LRP5: variants seen among roughly 807,000 people sequenced by gnomAD.
The protein encoded by LRP5 is LDL receptor related protein 5.
LRP5 carries 62 observed loss-of-function variants against 154.1 expected under a neutral mutation model. The observed-to-expected ratio is 0.40, with a 90% CI of 0.33 to 0.50. LRP5 has a LOEUF of 0.50. Among genes scored for constraint, LRP5 ranks in the 20% least tolerant of loss-of-function variants. The pLI, the probability that LRP5 is intolerant of heterozygous loss-of-function variation, is 0.55. For synonymous variants in LRP5, 966 were observed against 1,011.5 expected, an observed-to-expected ratio of 0.96 and a Z score of 0.85; for missense variants, 1,915 against 2,336.7, an observed-to-expected ratio of 0.82 and a Z score of 3.72.
chr11:68,334,237 CAAAT>C (rs1002604095), intron 1 of LRP5, among the ~76,000 whole-genome samples: 39 of 151,842 alleles, frequency 2.6e-4, no homozygotes, highest in African/African-American at 8.5e-4. Context: ...CCATCTCAAA[CAAAT>C]AAATAAGAAA....
intron 19 of LRP5, among the ~76,000 whole-genome samples, chr11:68,438,207 G>A (rs1052747888): frequency 7.9e-5 from 12 of 152,180 alleles, no homozygotes; most frequent in Admixed American, 3.9e-4. Flanking sequence ...TGAGGGCTGT[G>A]GGGAGTCGGA....
rs776565930 is a variant in LRP5, at chr11:68,425,168, C to G, written c.3303C>G (p.Thr1101=). Residue 1101 remains threonine (T), a synonymous_variant, in exon 15 of 23, where the codon ACC becomes ACG. Coordinates refer to ENST00000294304, the MANE Select transcript of LRP5 (RefSeq NM_002335.4). The part of the protein sequence containing the change: ...AKIERAALDG[T]EREVLFTTGL... ...TCGAACGCGCAGCCCTGGACGGCACCGAGCGCGAGGTCCTCTTCACCACCG... is the reference window on the plus strand; with the variant it reads ...TCGAACGCGCAGCCCTGGACGGCACGGAGCGCGAGGTCCTCTTCACCACCG... 6.2e-7 allele frequency: 1 copy of G among 1,613,628 alleles called. No individual in the cohort carries two copies.
rs111847163 is a variant in LRP5, at chr11:68,342,070, CTTTTTTT to C, written c.92-5767_92-5761del. ...CTTTTCTCCTGAACTGTCCTCTTTG[CTTTTTTT>C]TTTTTTTTTAAGCTTTAAAAGAAGT... is the stretch of plus-strand genomic sequence containing the variant. On this transcript the variant is annotated intron_variant, in intron 1 of 22. Transcript: ENST00000294304. Among the ~76,000 whole-genome samples, 15 of 133,870 alleles carry C rather than the reference CTTTTTTT, an allele frequency of 1.1e-4. 1 individual carries two copies. In the South Asian group the frequency reaches 3.8e-3, roughly 34 times the overall value. The allele number at this position is 133,870 out of a possible 152,430, so 87.8% of individuals were successfully genotyped here. A position where few individuals can be genotyped will look rare whatever the true frequency, so the allele number is the denominator to read the frequency against.
rs756401189 is a variant in LRP5, at chr11:68,413,982, A to T, written c.2797A>T (p.Thr933Ser). The change falls in exon 12 of 23, where the codon ACC (threonine) becomes TCC (serine). Residue 933 changes from threonine (T) to serine (S), a missense_variant. This residue lies in a region of LRP5 where 1,094 missense variants were observed against 1,210.1 expected (regional missense o/e 0.90). Coordinates refer to ENST00000294304, the MANE Select transcript of LRP5 (RefSeq NM_002335.4). This position sits in a 1 kb window ranked among gnomAD's most constrained non-coding sequence, Gnocchi z 5.1. ...CCGCTGCGGCTGCGCCTCACACTAC[A>T]CCCTGGACCCCAGCAGCCGCAACTG... ...GHRCGCASHY[T>S]LDPSSRNCSP... is the part of the protein sequence containing the mutation. 1 of 1,602,662 alleles carries T rather than the reference A, an allele frequency of 6.2e-7. No homozygotes were observed. The highest frequency in any genetic ancestry group is 1.1e-5 in the South Asian group (1 of 90,784).
chr11:68,324,738 G>C (rs192705844), intron 1 of LRP5, among the ~76,000 whole-genome samples: 1 of 152,338 alleles, frequency 6.6e-6, no homozygotes, highest in East Asian at 1.9e-4. Context: ...GTGGGATTCC[G>C]CCTGCTCCAC....
chr11:68,373,398 C>T (rs866195097), intron 5 of LRP5, among the ~76,000 whole-genome samples: 2 of 149,938 alleles, frequency 1.3e-5, no homozygotes, highest in Non-Finnish European at 3.0e-5. Flanking sequence ...GCGGGGGGGG[C>T]CCCGCACTGC....
At chr11:68,303,543 G>A in the LRP5 span, among the ~76,000 whole-genome samples, 1 of 152,068 alleles carries the variant, frequency 6.6e-6, no homozygotes, top group Non-Finnish European at 1.5e-5. Context: ...CACCAGGCTG[G>A]AGTGCAGTGG....
At chr11:68,336,940 C>A (rs2098606019) in intron 1 of LRP5, among the ~76,000 whole-genome samples, 3 of 152,240 alleles carry the variant, frequency 2.0e-5, no homozygotes, top group African/African-American at 7.2e-5. Context: ...TTCTTGACCA[C>A]AAACAATGGT....
intron 21 of LRP5, among the ~76,000 whole-genome samples, chr11:68,441,002 A>G (rs1462874421): frequency 2.0e-5 from 3 of 152,140 alleles, no homozygotes; most frequent in African/African-American, 7.2e-5. Flanking sequence ...TCCCTACCTC[A>G]GGTGATCCGC....
At chr11:68,308,572 T>C (rs780258467), upstream of LRP5, among the ~76,000 whole-genome samples, 1 of 152,128 alleles carries the variant, frequency 6.6e-6, no homozygotes, top group African/African-American at 2.4e-5. Flanking sequence ...CTTATTACGT[T>C]ACTGAAGGGT....
rs2098653798 is a variant in LRP5 at position 68,403,476 on chromosome 11, C to A, written c.1585-7C>A. 1.9e-6 allele frequency: 3 copies of A among 1,613,658 alleles called. No individual in the cohort carries two copies. In the Admixed American group the frequency reaches 5.0e-5, roughly 27 times the overall value. ...CCATCCAGACCTATATTTCTGCCGT[C>A]CTGCAGGTGATCAATGTTGATGGGA... On this transcript the variant is annotated splice_region_variant and splice_polypyrimidine_tract_variant and intron_variant, in intron 7 of 22. Transcript: ENST00000294304.
Position 68,433,576 on chromosome 11 carries a change from GATGTTCTC to G in LRP5, c.3764-25_3764-18del. On this transcript the variant is annotated intron_variant, in intron 17 of 22. Transcript: ENST00000294304. The stretch of plus-strand genomic sequence containing the variant: ...GGTTTTGCTGGGCGGGGCTGCGTGT[GATGTTCTC>G]CTCTGTCCCTCCCCCAGAGCCGCCC... 1 of 1,592,704 alleles carries G rather than the reference GATGTTCTC, an allele frequency of 6.3e-7. No homozygotes were observed. Among genetic ancestry groups the G allele is most frequent in the Non-Finnish European group, 8.6e-7 (1 of 1,161,490 alleles).
intron 1 of LRP5, among the ~76,000 whole-genome samples, chr11:68,322,681 T>C (rs559789315): frequency 5.2e-5 from 8 of 152,388 alleles, no homozygotes; most frequent in East Asian, 1.9e-4. Flanking sequence ...TCAGTAACTG[T>C]TCTGAGGCCA....
intron 9 of LRP5, among the ~76,000 whole-genome samples, chr11:68,409,073 A>AAATATATATATATATATATATATAT (rs2098657548): frequency 2.3e-5 from 1 of 44,190 alleles, no homozygotes; most frequent in African/African-American, 1.3e-4. Context: ...AAAAAAAAAA[A>AAATATATATATATATATATATATAT]ATATATATAT....
intron 12 of LRP5, among the ~76,000 whole-genome samples, chr11:68,415,681 G>C (rs752607943): frequency 2.9e-4 from 14 of 48,096 alleles, no homozygotes; most frequent in Middle Eastern, 0.012. Flanking sequence ...GGAGGTGGAA[G>C]TTTCAAGTGA....
rs1242211546 is a variant in LRP5, at chr11:68,365,553, C to G, written c.884-18C>G. 4.7e-5 allele frequency: 76 copies of G among 1,613,698 alleles called. No homozygotes were observed. Among genetic ancestry groups the G allele is most frequent in the Admixed American group, 1.7e-4 (10 of 59,992 alleles). On this transcript the variant is annotated intron_variant, in intron 4 of 22. Transcript: ENST00000294304. ...TCCTCTTCTGGAACCTTCTCTCACT[C>G]TGTCCTGGTTTTCTCAGTCCACACT...
In LRP5 at chr11:68,396,111, G is replaced by A. The variant is rs932044698; in HGVS notation, c.1584+6059G>A. Reference sequence around the variant, plus strand: ...AGTGGCTGCTGCTGGGGTTGTGGTGGCTTCTGGGGACTCTGGGGACAGCTG... The same window carrying A: ...AGTGGCTGCTGCTGGGGTTGTGGTGACTTCTGGGGACTCTGGGGACAGCTG... On this transcript the variant is annotated intron_variant, in intron 7 of 22. Transcript: ENST00000294304. Among the ~76,000 whole-genome samples the A allele has an allele frequency of 3.8e-4, 58 of 152,246 alleles. 1 individual carries two copies. Among genetic ancestry groups the A allele is most frequent in the African/African-American group, 1.3e-3 (55 of 41,540 alleles).
At position 68,410,146 on chromosome 11, in the gene LRP5, T is replaced by C. The variant is rs4988322; in HGVS notation, c.2318+6T>C. 0.068 allele frequency: 109,007 copies of C among 1,611,592 alleles called. 3,926 individuals carry two copies. Among genetic ancestry groups the C allele is most frequent in the Middle Eastern group, 0.12 (750 of 6,044 alleles). On this transcript the variant is annotated splice_donor_region_variant and intron_variant, in intron 10 of 22. Transcript: ENST00000294304. ...GCCCTGGATCCCACCAAGGGGTAAGTGTTTGCCTGTCCCGTGCGTCCTTGT... is the reference window on the plus strand; with the variant it reads ...GCCCTGGATCCCACCAAGGGGTAAGCGTTTGCCTGTCCCGTGCGTCCTTGT...
Position 68,411,440 on chromosome 11 carries a change from A to G in LRP5, c.2323A>G (p.Ile775Val), listed in dbSNP as rs1409940030. The G allele has an allele frequency of 6.2e-7, 1 of 1,611,390 alleles. No homozygotes were observed. The highest frequency in any genetic ancestry group is 1.1e-5 in the South Asian group (1 of 91,036). The change falls in exon 11 of 23, where the codon ATC becomes GTC. Residue 775 changes from isoleucine to valine, a missense_variant. By Grantham distance (29) the Ile-to-Val change is conservative. This residue lies in a region of LRP5 where 773 missense variants were observed against 1,100.9 expected (regional missense o/e 0.70). Transcript: ENST00000294304. ...SLALDPTKGY[I>V]YWTEWGGKPR... ...CTTCTCCCTTGTGCCTTCCAGCTAC[A>G]TCTACTGGACCGAGTGGGGCGGCAA... is the stretch of plus-strand genomic sequence containing the variant.
Sources: gnomAD v4.1 joint callset for allele counts (sites outside exome capture counted in the v4.1 genomes callset) on GRCh38, gnomAD v4.1.1 for gene constraint, gnomAD v4.1.1 regional missense constraint, Gnocchi (gnomAD v3.1) non-coding constraint, MANE v1.5 for transcripts, NCBI Gene and HGNC (gene_info 2026-07-23, HGNC 2026-07-21) for gene names.